PPP2R3A: variants seen among roughly 807,000 people sequenced by gnomAD.
PPP2R3A encodes protein phosphatase 2 regulatory subunit B''alpha, also known as serine/threonine-protein phosphatase 2A regulatory subunit B'' subunit alpha.
In PPP2R3A, 80 loss-of-function variants were observed where a neutral mutation model predicts 106.9. The ratio of observed to expected loss-of-function variants is 0.75; its 90% CI spans 0.62 to 0.90. The LOEUF (loss-of-function observed/expected upper bound fraction) is 0.90. Among genes scored for constraint, PPP2R3A ranks in the 40% least tolerant of loss-of-function variants. PPP2R3A has a pLI of 0.00. For synonymous variants in PPP2R3A, 483 were observed against 468.3 expected, an observed-to-expected ratio of 1.03 and a Z score of -0.41; for missense variants, 1,386 against 1,350.4, an observed-to-expected ratio of 1.03 and a Z score of -0.41.
At chr3:135,997,097 T>C (rs1933429805) in intron 1 of PPP2R3A, among the ~76,000 whole-genome samples, 1 of 152,218 alleles carries the variant, frequency 6.6e-6, no homozygotes, top group South Asian at 2.1e-4. Context: ...AAATATCTTC[T>C]GTCCTTTAAG....
intron 10 of PPP2R3A, among the ~76,000 whole-genome samples, chr3:136,097,835 A>G (rs917635540): frequency 6.6e-6 from 1 of 152,200 alleles, no homozygotes; most frequent in Non-Finnish European, 1.5e-5. Flanking sequence ...AAAAGTCCCA[A>G]CAGTGTAACA....
At chr3:135,983,292 T>C (rs190833037) in intron 1 of PPP2R3A, among the ~76,000 whole-genome samples, 58 of 152,310 alleles carry the variant, frequency 3.8e-4, no homozygotes, top group Middle Eastern at 3.4e-3. Context: ...GAAAATATTA[T>C]TGAATTTATA....
Position 136,145,094 on chromosome 3 carries a change from CAA to C in PPP2R3A, c.3384_3385del (p.Ser1129GlnfsTer2), listed in dbSNP as rs1255489799. 1.9e-6 allele frequency: 3 copies of C among 1,613,528 alleles called. No individual in the cohort carries two copies. The Admixed American group carries it at 5.0e-5, about 27-fold the overall frequency. ...CTGCCTCTCCCTCTGAATTTGGAAA[CAA>C]AAGCAATAAAATATTAAGTGCAAGC... ...EPASPSEFGN[K>X]SNKILSASLP... On this transcript the variant is annotated frameshift_variant, in exon 14 of 14. Coordinates refer to ENST00000264977, the MANE Select transcript of PPP2R3A (RefSeq NM_002718.5). LOFTEE classifies it high-confidence loss of function.
At chr3:135,966,999 GT>G (rs530354717) in intron 1 of PPP2R3A, among the ~76,000 whole-genome samples, 1 of 149,670 alleles carries the variant, frequency 6.7e-6, no homozygotes, top group Non-Finnish European at 1.5e-5. Flanking sequence ...TAAAACTGTT[GT>G]TTTTTTTTCT....
chr3:136,087,704 C>T, intron 8 of PPP2R3A, 179 bp from the exon 9 acceptor site: 2 of 494,164 alleles, frequency 4.0e-6, no homozygotes, highest in Non-Finnish European at 7.2e-6. Flanking sequence ...CATTCATTTG[C>T]CTGTTATTTT....
intron 4 of PPP2R3A, among the ~76,000 whole-genome samples, chr3:136,041,459 G>A: frequency 6.6e-6 from 1 of 151,802 alleles, no homozygotes; most frequent in African/African-American, 2.4e-5. Context: ...CTGTTGCCCA[G>A]GCTGGTCATA....
intron 4 of PPP2R3A, 28 bp downstream of exon 4, chr3:136,040,990 C>A: frequency 7.0e-6 from 11 of 1,582,672 alleles, no homozygotes; most frequent in Non-Finnish European, 9.5e-6. Flanking sequence ...CTCTCTGGAG[C>A]TAGGCAAAGA....
At chr3:136,125,894 G>A (rs973756557) in intron 13 of PPP2R3A, among the ~76,000 whole-genome samples, 5 of 152,080 alleles carry the variant, frequency 3.3e-5, no homozygotes, top group African/African-American at 4.8e-5. Context: ...CATTATCATT[G>A]ACAAAACCCA....
chr3:136,037,164 G>A (rs1435385326), intron 3 of PPP2R3A, among the ~76,000 whole-genome samples: 15 of 152,330 alleles, frequency 9.8e-5, no homozygotes, highest in Middle Eastern at 3.4e-3. Flanking sequence ...TAAAGACTGG[G>A]ATCTGTTTTT....
At chr3:136,052,327 A>G (rs1468048894) in intron 5 of PPP2R3A, among the ~76,000 whole-genome samples, 1 of 152,032 alleles carries the variant, frequency 6.6e-6, no homozygotes, top group Non-Finnish European at 1.5e-5. Flanking sequence ...AAAAGCTGGC[A>G]TTTCTTCCCT....
Position 136,087,870 on chromosome 3 carries a change from T to TTTA in PPP2R3A, c.2789-13_2789-12insTTA. 17 of 1,599,798 alleles carry TTTA rather than the reference T, an allele frequency of 1.1e-5. No homozygotes were observed. In the African/African-American group the frequency reaches 2.2e-4, roughly 20 times the overall value. On this transcript the variant is annotated splice_polypyrimidine_tract_variant and intron_variant, in intron 8 of 13. Transcript: ENST00000264977. ...CTAACTAGCTTTGCAATTTTTTTTTTATCTACATTTAGCTTCATCAAGCAG... is the reference window on the plus strand; with the variant it reads ...CTAACTAGCTTTGCAATTTTTTTTTTTTAATCTACATTTAGCTTCATCAAGCAG...
At chr3:136,017,813 T>A (rs1404384485) in intron 2 of PPP2R3A, among the ~76,000 whole-genome samples, 1 of 152,250 alleles carries the variant, frequency 6.6e-6, no homozygotes, top group African/African-American at 2.4e-5. Context: ...TTTCCCAGCC[T>A]CACTGTGCTA....
chr3:135,969,279 G>GAGAAA (rs1382013528), intron 1 of PPP2R3A, among the ~76,000 whole-genome samples: 13 of 152,176 alleles, frequency 8.5e-5, no homozygotes, highest in Admixed American at 6.5e-5. Flanking sequence ...TGGTGGCTGA[G>GAGAAA]AGAAAAGAAT....
At chr3:136,125,295 G>A (rs1352120503) in intron 13 of PPP2R3A, among the ~76,000 whole-genome samples, 1 of 152,070 alleles carries the variant, frequency 6.6e-6, no homozygotes, top group East Asian at 1.9e-4. Context: ...ACTCCAGCCT[G>A]GGCAACAAGA....
Position 136,050,854 on chromosome 3 carries a change from C to G in PPP2R3A, c.2469+1493C>G, listed in dbSNP as rs1162962557. On this transcript the variant is annotated intron_variant, in intron 5 of 13. Coordinates refer to ENST00000264977, the MANE Select transcript of PPP2R3A (RefSeq NM_002718.5). ...GGGGTGAGCTCCCTACTCACTACTT[C>G]AGGGCAGAGAAGAGAAGTGACCTCA... Among the ~76,000 whole-genome samples, 4 of 152,114 alleles carry G rather than the reference C, an allele frequency of 2.6e-5. No homozygotes were observed. In the East Asian group the frequency reaches 7.7e-4, roughly 29 times the overall value.
intron 2 of PPP2R3A, among the ~76,000 whole-genome samples, chr3:136,016,951 A>G (rs1934300096): frequency 6.6e-6 from 1 of 152,056 alleles, no homozygotes; most frequent in South Asian, 2.1e-4. Flanking sequence ...ATTTTGGTGT[A>G]TTTCGAGGTT....
At chr3:136,123,250 TAAAGC>T (rs1308807780) in intron 13 of PPP2R3A, among the ~76,000 whole-genome samples, 1 of 152,114 alleles carries the variant, frequency 6.6e-6, no homozygotes, top group Non-Finnish European at 1.5e-5. Flanking sequence ...TAGTAATAAT[TAAAGC>T]AAGTATATTA....
intron 11 of PPP2R3A, 129 bp downstream of exon 11, chr3:136,102,311 T>A: frequency 1.0e-6 from 1 of 1,003,028 alleles, no homozygotes; most frequent in Non-Finnish European, 1.4e-6. Context: ...CAGAAGTGTT[T>A]AAAGTTTCTC....
intron 2 of PPP2R3A, among the ~76,000 whole-genome samples, chr3:136,006,245 T>C (rs1042246662): frequency 6.6e-6 from 1 of 152,242 alleles, no homozygotes; most frequent in Non-Finnish European, 1.5e-5. Context: ...AGATTTCTTC[T>C]TGATAAAAGT....
Sources: allele counts gnomAD v4.1 joint callset (sites outside exome capture counted in the v4.1 genomes callset), GRCh38; gene constraint gnomAD v4.1.1; transcripts MANE v1.5; gene names NCBI Gene and HGNC (gene_info 2026-07-23, HGNC 2026-07-21).